Variants in UVSSA observed in about 807,000 individuals in gnomAD.
UVSSA encodes UV stimulated scaffold protein A.
UVSSA carries 72 observed loss-of-function variants against 73.9 expected under a neutral mutation model. The ratio of observed to expected loss-of-function variants is 0.97; its 90% CI spans 0.81 to 1.19. The LOEUF (loss-of-function observed/expected upper bound fraction) is 1.19. Among genes scored for constraint, UVSSA ranks in the 50% most tolerant of loss-of-function variants. The pLI is 0.00. For synonymous variants in UVSSA, 454 were observed against 391.3 expected, an observed-to-expected ratio of 1.16 and a Z score of -1.89; for missense variants, 1,150 against 965.0, an observed-to-expected ratio of 1.19 and a Z score of -2.54.
In UVSSA at chr4:1,382,185, C is replaced by G. The variant is rs560536107; in HGVS notation, c.1861+1197C>G. On this transcript the variant is annotated intron_variant, in intron 12 of 13. Transcript: ENST00000389851. ...CCCTGGGCGGCGGGAGGGCCCTGACCTGCTAATCTCCGGGTGAGGCCTTCC... is the reference window on the plus strand; with the variant it reads ...CCCTGGGCGGCGGGAGGGCCCTGACGTGCTAATCTCCGGGTGAGGCCTTCC... 9.2e-5 allele frequency among the ~76,000 whole-genome samples: 14 copies of G among 152,370 alleles called. No homozygotes were observed. The South Asian group carries it at 2.3e-3, about 25-fold the overall frequency.
rs774357492 is a variant in UVSSA, at chr4:1,353,128, C to G, written c.649C>G (p.Leu217Val). The change falls in exon 5 of 14, where the codon CTT becomes GTT. Residue 217 changes from leucine to valine, a missense_variant. Physicochemically the swap from Leu to Val is conservative, Grantham distance 32 (BLOSUM62 1). Coordinates refer to ENST00000389851, the MANE Select transcript of UVSSA (RefSeq NM_020894.4). Reference sequence around the variant, plus strand: ...TGACCCGAACCCGGAGACGGAATCCCTTGGCATGGCTTCTGGCATGTCCGA... The same window carrying G: ...TGACCCGAACCCGGAGACGGAATCCGTTGGCATGGCTTCTGGCATGTCCGA... ...DFDPNPETES[L>V]GMASGMSDAL... is the part of the protein sequence containing the mutation. 1.2e-6 allele frequency: 2 copies of G among 1,613,076 alleles called. No individual in the cohort carries two copies. Among genetic ancestry groups the G allele is most frequent in the Non-Finnish European group, 1.7e-6 (2 of 1,180,020 alleles).
intron 8 of UVSSA, chr4:1,375,086 A>G (rs1348215058): frequency 4.2e-5 from 20 of 481,180 alleles, no homozygotes; most frequent in African/African-American, 7.9e-5. Flanking sequence ...TCAGGCTGGC[A>G]CTTCTGCAAA....
chr4:1,349,390 A>G (rs1714305569), intron 2 of UVSSA, 134 bp from the exon 3 acceptor site: 3 of 862,884 alleles, frequency 3.5e-6, no homozygotes, highest in Non-Finnish European at 5.2e-6. Flanking sequence ...CCTGCTCTAG[A>G]AAAGGGGAGA....
In UVSSA at chr4:1,353,157, C is replaced by A. The variant is rs371958204; in HGVS notation, c.678C>A (p.Ala226=). The change falls in exon 5 of 14, where the codon GCC becomes GCA. Residue 226 remains alanine, a synonymous_variant. Coordinates refer to ENST00000389851, the MANE Select transcript of UVSSA (RefSeq NM_020894.4). ...SLGMASGMSD[A]LRSSCAGQVG... ...GCATGGCTTCTGGCATGTCCGATGC[C>A]CTTCGCTCCTCCTGCGCGGGCCAGG... The A allele has an allele frequency of 6.8e-6, 11 of 1,612,892 alleles. No individual in the cohort carries two copies. Among genetic ancestry groups the A allele is most frequent in the Non-Finnish European group, 9.3e-6 (11 of 1,180,026 alleles).
chr4:1,348,225 C>A, intron 2 of UVSSA, 36 bp downstream of exon 2: 1 of 1,515,580 alleles, frequency 6.6e-7, no homozygotes, highest in Non-Finnish European at 9.1e-7. Flanking sequence ...AACTGACTGG[C>A]CCACTGAGCC....
rs147934929 is a variant in UVSSA at position 1,395,042 on chromosome 4, C to T, written c.*9081C>T. ...CTCACACGTGCCCATGTGGAGTGCCCGCCTGCTCACACGTGCCAACGTGGA... is the reference window on the plus strand; with the variant it reads ...CTCACACGTGCCCATGTGGAGTGCCTGCCTGCTCACACGTGCCAACGTGGA... On this transcript the variant is annotated 3_prime_UTR_variant, in exon 14 of 14. Coordinates refer to the UVSSA transcript ENST00000511216. 60 of 1,414,404 alleles carry T rather than the reference C, an allele frequency of 4.2e-5. 7 individuals are homozygous for T. In the African/African-American group the frequency reaches 5.5e-4, roughly 13 times the overall value. 87.6% of individuals were successfully genotyped at this position (1,414,404 alleles called of 1,614,324 possible). A position where few individuals can be genotyped will look rare whatever the true frequency, so the allele number is the denominator to read the frequency against.
In UVSSA at chr4:1,380,957, G is replaced by A. The variant is rs2109301485; in HGVS notation, c.1830G>A (p.Gln610=). ...ACCCGGAAGACAGGGCTCGTGAGCAGCGGCGGCAGCTGCAGAAGCAGGAGC... is the reference window on the plus strand; with the variant it reads ...ACCCGGAAGACAGGGCTCGTGAGCAACGGCGGCAGCTGCAGAAGCAGGAGC... ...PLDPEDRARE[Q]RRQLQKQERP... Residue 610 remains glutamine (Q), a synonymous_variant, in exon 12 of 14, where the codon CAG becomes CAA. Coordinates refer to ENST00000389851, the MANE Select transcript of UVSSA (RefSeq NM_020894.4). 1 of 1,612,332 alleles carries A rather than the reference G, an allele frequency of 6.2e-7. No individual in the cohort carries two copies. The highest frequency in any genetic ancestry group is 1.1e-5 in the South Asian group (1 of 91,056).
intron 12 of UVSSA, among the ~76,000 whole-genome samples, chr4:1,381,962 C>T (rs747470373): frequency 3.9e-5 from 6 of 152,228 alleles, no homozygotes; most frequent in Non-Finnish European, 5.9e-5. Context: ...CGCCCGGCCT[C>T]GGTCCCTTCT....
rs142249516 is a variant in UVSSA, at chr4:1,366,356, G to A, written c.1213G>A (p.Asp405Asn). The change falls in exon 8 of 14, where the codon GAT (aspartate) becomes AAT (asparagine). Residue 405 changes from aspartate to asparagine, a missense_variant. Transcript: ENST00000389851. ...ALGDAEEDED[D>N]EDFVEVPEKE... ...GGGGGATGCGGAGGAAGATGAGGAC[G>A]ATGAGGACTTTGTGGAGGTCCCTGA... is the stretch of plus-strand genomic sequence containing the variant. The A allele has an allele frequency of 1.8e-3, 2,974 of 1,613,494 alleles. 11 individuals carry two copies. The highest frequency in any genetic ancestry group is 2.1e-3 in the Non-Finnish European group (2,427 of 1,179,686).
chr4:1,393,378 G>A (rs1451733669), exon 14 of UVSSA: 1 of 152,084 alleles, frequency 6.6e-6, no homozygotes, highest in East Asian at 1.9e-4. Context: ...TTGAACATAT[G>A]TGTAGAAGCT....
At chr4:1,395,559 A>C in exon 14 of UVSSA, 1 of 1,575,022 alleles carries the variant, frequency 6.3e-7, no homozygotes, top group Non-Finnish European at 8.6e-7. Context: ...GCCCATGTGG[A>C]GTGCCCGCCT....
Position 1,349,762 on chromosome 4 carries a change from A to T in UVSSA, c.337A>T (p.Thr113Ser). 6.2e-7 allele frequency: 1 copy of T among 1,609,888 alleles called. No individual in the cohort carries two copies. The highest frequency in any genetic ancestry group is 1.7e-5 in the Admixed American group (1 of 59,586). Residue 113 changes from threonine (T) to serine (S), a missense_variant, in exon 3 of 14, where the codon ACC (threonine) becomes TCC (serine). Transcript: ENST00000389851. The stretch of plus-strand genomic sequence containing the variant: ...GGCGGCACAGAGGCTGAGGCAGGCG[A>T]CCACCCGGGCCGTGGAAGGGTGGAA... Reference protein sequence around the residue: ...REAAQRLRQATTRAVEGWNEK... With the variant: ...REAAQRLRQASTRAVEGWNEK...
chr4:1,355,320 G>C (rs1715551326), intron 7 of UVSSA, 75 bp downstream of exon 7: 2 of 1,444,152 alleles, frequency 1.4e-6, no homozygotes, highest in African/African-American at 1.4e-5. Flanking sequence ...GGGGGGTTGT[G>C]CCCTGGGCCT....
chr4:1,353,430 G>A lies in UVSSA; in HGVS notation c.934+17G>A, dbSNP rs773403730. 5.1e-5 allele frequency: 75 copies of A among 1,466,700 alleles called. No homozygotes were observed. Among genetic ancestry groups the A allele is most frequent in the Admixed American group, 1.9e-4 (8 of 41,416 alleles). 90.9% of individuals were successfully genotyped at this position (1,466,700 alleles called of 1,614,324 possible). A position where few individuals can be genotyped will look rare whatever the true frequency, so the allele number is the denominator to read the frequency against. On this transcript the variant is annotated intron_variant, in intron 5 of 13. Coordinates refer to ENST00000389851, the MANE Select transcript of UVSSA (RefSeq NM_020894.4). Reference sequence around the variant, plus strand: ...TCTGCTCAGGTAACTGCCTTCGCGGGGTCTCTGTGGCGCCACCCTGCCCCG... The same window carrying A: ...TCTGCTCAGGTAACTGCCTTCGCGGAGTCTCTGTGGCGCCACCCTGCCCCG...
chr4:1,381,887 G>A (rs1719547125), intron 12 of UVSSA, among the ~76,000 whole-genome samples: 1 of 152,064 alleles, frequency 6.6e-6, no homozygotes, highest in African/African-American at 2.4e-5. Flanking sequence ...TGCCCAAGCT[G>A]GTCTTGAACT....
intron 13 of UVSSA, chr4:1,385,590 C>T (rs1228108215): frequency 6.2e-6 from 3 of 484,882 alleles, no homozygotes; most frequent in African/African-American, 5.9e-5. Flanking sequence ...GGAGAAGTGC[C>T]AAGGTGGGGC....
chr4:1,392,495 A>C (rs1447548974), downstream of UVSSA: 1 of 152,172 alleles, frequency 6.6e-6, no homozygotes, highest in Admixed American at 6.5e-5. Context: ...GTTTTTGTTT[A>C]TCTGAGAATG....
At chr4:1,352,470 C>G (rs1714928779) in intron 4 of UVSSA, among the ~76,000 whole-genome samples, 1 of 152,218 alleles carries the variant, frequency 6.6e-6, no homozygotes, top group African/African-American at 2.4e-5. Context: ...AGGAGGAAAG[C>G]TGCTCCGGCC....
At chr4:1,394,228 C>T (rs1325060324) in exon 14 of UVSSA, 2 of 601,692 alleles carry the variant, frequency 3.3e-6, no homozygotes, top group Non-Finnish European at 5.6e-6. Flanking sequence ...GGCAGAGCTT[C>T]TCAGCGGCCA....
Sources: gnomAD v4.1 joint callset for allele counts (sites outside exome capture counted in the v4.1 genomes callset) on GRCh38, gnomAD v4.1.1 for gene constraint, MANE v1.5 for transcripts, NCBI Gene and HGNC (gene_info 2026-07-23, HGNC 2026-07-21) for gene names.